The following MMEL1 variants were observed in gnomAD, a reference collection of about 807,000 sequenced individuals.
The protein encoded by MMEL1 is membrane metallo-endopeptidase-like 1.
A neutral mutation model predicts 117.1 loss-of-function variants in MMEL1; 98 were observed. That is an observed-to-expected ratio of 0.84 (90% CI 0.71 to 0.99). The LOEUF (loss-of-function observed/expected upper bound fraction) is 0.99, where lower values mean the gene tolerates loss of function less well. Ranked by LOEUF, MMEL1 falls within the 50% of genes least tolerant of loss-of-function variation. MMEL1 has a pLI of 0.00. For synonymous variants in MMEL1, 390 were observed against 415.1 expected, an observed-to-expected ratio of 0.94 and a Z score of 0.74; for missense variants, 1,014 against 1,049.1, an observed-to-expected ratio of 0.97 and a Z score of 0.46.
intron 14 of MMEL1, 22 bp from the exon 15 acceptor site, chr1:2,596,129 C>G: frequency 6.2e-7 from 1 of 1,602,938 alleles, no homozygotes; most frequent in Non-Finnish European, 8.5e-7. Context: ...GCATGGCCCT[C>G]GTGTCCCAGA....
chr1:2,611,784 CA>C (rs911121343), intron 3 of MMEL1, among the ~76,000 whole-genome samples: 2 of 152,244 alleles, frequency 1.3e-5, no homozygotes, highest in Non-Finnish European at 2.9e-5. Flanking sequence ...CTGCCCAGCC[CA>C]CTCTCACCTG....
At chr1:2,604,968 C>A (rs947955005) in intron 9 of MMEL1, among the ~76,000 whole-genome samples, 1 of 152,190 alleles carries the variant, frequency 6.6e-6, no homozygotes, top group Admixed American at 6.5e-5. Flanking sequence ...TAGTTCATAG[C>A]CCACCTCCAC....
At chr1:2,605,716 G>T in intron 8 of MMEL1, 93 bp from the exon 9 acceptor site, 1 of 946,040 alleles carries the variant, frequency 1.1e-6, no homozygotes, top group Non-Finnish European at 1.7e-6. Context: ...ACAGGACTGT[G>T]CCCCGTGCAC....
intron 6 of MMEL1, among the ~76,000 whole-genome samples, chr1:2,608,153 C>T (rs1570681844): frequency 6.6e-6 from 1 of 152,254 alleles, no homozygotes; most frequent in East Asian, 1.9e-4. Flanking sequence ...AAGCCCAGCG[C>T]ACCCAAGCAG....
At position 2,598,439 on chromosome 1, in the gene MMEL1, C is replaced by T. The variant is rs538671342; in HGVS notation, c.1179-139G>A. 225 of 1,167,062 alleles carry T rather than the reference C, an allele frequency of 1.9e-4. 2 individuals are homozygous for T. The South Asian group carries it at 3.2e-3, about 16-fold the overall frequency. 72.3% of individuals were successfully genotyped at this position (1,167,062 alleles called of 1,614,324 possible). A position where few individuals can be genotyped will look rare whatever the true frequency, so the allele number is the denominator to read the frequency against. On this transcript the variant is annotated intron_variant, in intron 12 of 23. Transcript: ENST00000378412. ...TGGAGAAAACCTCCAGGACAACCAC[C>T]TCCAAGATCCAGCCCATCTGCCCCG...
At chr1:2,601,431 T>A (rs1205016593) in intron 11 of MMEL1, among the ~76,000 whole-genome samples, 1 of 151,952 alleles carries the variant, frequency 6.6e-6, no homozygotes, top group Non-Finnish European at 1.5e-5. Flanking sequence ...AATTCCTACA[T>A]CTCACTGTCC....
At position 2,592,724 on chromosome 1, in the gene MMEL1, C is replaced by T. The variant is rs369979738; in HGVS notation, c.2002-4G>A. 28 of 1,612,010 alleles carry T rather than the reference C, an allele frequency of 1.7e-5. No homozygotes were observed. The highest frequency in any genetic ancestry group is 2.2e-5 in the East Asian group (1 of 44,790). On this transcript the variant is annotated splice_polypyrimidine_tract_variant and splice_region_variant and intron_variant, in intron 20 of 23. Coordinates refer to ENST00000378412, the MANE Select transcript of MMEL1 (RefSeq NM_033467.4). The stretch of plus-strand genomic sequence containing the variant: ...CAAGGGTGTTGAATCCGTTCACCTG[C>T]GCACAGGAGACAGGATTGGGGCAGC...
rs527738483 is a variant in MMEL1, at chr1:2,608,646, T to C, written c.535+693A>G. ...CATACATGCACACACAACATACACA[T>C]ATGCACACACAACACACCCATAGAA... On this transcript the variant is annotated intron_variant, in intron 6 of 23. Transcript: ENST00000378412. Among the ~76,000 whole-genome samples, 79 of 151,698 alleles carry C rather than the reference T, an allele frequency of 5.2e-4. 1 individual carries two copies. The South Asian group carries it at 0.011, about 22-fold the overall frequency.
In MMEL1 at chr1:2,598,660, G is replaced by T. The variant is rs776871353; in HGVS notation, c.1172C>A (p.Ser391Ter). 7.4e-6 allele frequency: 12 copies of T among 1,613,998 alleles called. No individual in the cohort carries two copies. Among genetic ancestry groups the T allele is most frequent in the African/African-American group, 2.7e-5 (2 of 74,932 alleles). ...GACCCTCCCTGGGCCTCACCTGGCT[G>T]AGTAGGTGTCGATGATGTTTTCAAG... ...QNLENIIDTY[S>*]ARTIQNYLVW... Residue 391 changes from serine to a stop codon, truncating the protein, a stop_gained, in exon 12 of 24, where the codon TCA (serine) becomes TAA (stop). Coordinates refer to ENST00000378412, the MANE Select transcript of MMEL1 (RefSeq NM_033467.4). LOFTEE classifies it high-confidence loss of function.
intron 1 of MMEL1, 140 bp from the exon 2 acceptor site, chr1:2,629,661 A>C: frequency 5.6e-5 from 40 of 720,588 alleles, no homozygotes; most frequent in Non-Finnish European, 7.8e-5. Context: ...CTCCAAGCTC[A>C]CAACCCTGGG....
chr1:2,632,572 C>T (rs1638640930), intron 1 of MMEL1: 3 of 173,922 alleles, frequency 1.7e-5, no homozygotes, highest in East Asian at 1.5e-4. Context: ...GCCAAGTACC[C>T]GGGGCAGGTG....
intron 4 of MMEL1, 108 bp downstream of exon 4, chr1:2,611,173 C>A: frequency 1.8e-6 from 2 of 1,132,436 alleles, no homozygotes; most frequent in Non-Finnish European, 2.5e-6. Context: ...CCACCGCCCG[C>A]CGTGTCTTGG....
Position 2,606,968 on chromosome 1 carries a change from C to T in MMEL1, c.631+6G>A, listed in dbSNP as rs1181774811. 3 of 1,611,380 alleles carry T rather than the reference C, an allele frequency of 1.9e-6. No individual in the cohort carries two copies. The highest frequency in any genetic ancestry group is 1.7e-4 in the Middle Eastern group (1 of 6,020). The stretch of plus-strand genomic sequence containing the variant: ...TCTGTGAGGCTGCTGCCAGGCCCGG[C>T]CTTACCTACGGTCTCGTTCCACCTG... On this transcript the variant is annotated splice_donor_region_variant and intron_variant, in intron 7 of 23. Coordinates refer to ENST00000378412, the MANE Select transcript of MMEL1 (RefSeq NM_033467.4).
At chr1:2,591,677 T>TGGGGGGG in intron 22 of MMEL1, 44 bp from the exon 23 acceptor site, 1 of 441,136 alleles carries the variant, frequency 2.3e-6, no homozygotes, top group Non-Finnish European at 4.1e-6. Flanking sequence ...CGTGGTGGGG[T>TGGGGGGG]GGCCAGGAGG....
At chr1:2,611,168 G>GC (rs1404913312) in intron 4 of MMEL1, 113 bp downstream of exon 4, 7 of 1,092,476 alleles carry the variant, frequency 6.4e-6, no homozygotes, top group Non-Finnish European at 9.1e-6. Flanking sequence ...CGGCTCCACC[G>GC]CCCGCCGTGT....
chr1:2,628,521 G>A (rs1315855708), intron 2 of MMEL1, among the ~76,000 whole-genome samples: 1 of 152,204 alleles, frequency 6.6e-6, no homozygotes, highest in African/African-American at 2.4e-5. Flanking sequence ...CCTGCCCCGG[G>A]GGTGAGCATT....
chr1:2,620,562 AC>A (rs1645274174), intron 2 of MMEL1, among the ~76,000 whole-genome samples: 1 of 152,132 alleles, frequency 6.6e-6, no homozygotes, highest in African/African-American at 2.4e-5. Context: ...CCCTAATGTG[AC>A]TATTTGGGGA....
intron 22 of MMEL1, 86 bp from the exon 23 acceptor site, chr1:2,591,719 G>T: frequency 8.4e-7 from 1 of 1,190,962 alleles, no homozygotes; most frequent in Non-Finnish European, 1.3e-6. Context: ...TCCCCAGGCT[G>T]CCCCTTCTAG....
At position 2,613,452 on chromosome 1, in the gene MMEL1, GC is replaced by G. The variant is rs140514632; in HGVS notation, c.155-1249del. Among the ~76,000 whole-genome samples, 308 of 152,284 alleles carry G rather than the reference GC, an allele frequency of 2.0e-3. 1 individual carries two copies. Among genetic ancestry groups the G allele is most frequent in the African/African-American group, 7.1e-3 (294 of 41,542 alleles). ...TCTGACCAAAGTGGTGACAAGGAGG[GC>G]AAGGGCTTTCTGCTTCTGATTAGGA... On this transcript the variant is annotated intron_variant, in intron 2 of 23. Transcript: ENST00000378412.
Sources: allele counts gnomAD v4.1 joint callset (sites outside exome capture counted in the v4.1 genomes callset), GRCh38; gene constraint gnomAD v4.1.1; transcripts MANE v1.5; gene names NCBI Gene and HGNC (gene_info 2026-07-23, HGNC 2026-07-21).